The following KAT6B variants were observed in gnomAD, a reference collection of about 807,000 sequenced individuals.
KAT6B encodes lysine acetyltransferase 6B.
Under a neutral mutation model 187.5 loss-of-function variants are expected in KAT6B, and 10 were observed. That is an observed-to-expected ratio of 0.05 (90% CI 0.03 to 0.09). KAT6B has a LOEUF of 0.09. Among genes scored for constraint, KAT6B ranks in the 10% least tolerant of loss-of-function variants. KAT6B has a pLI of 1.00. For missense variants in KAT6B, 1,952 were observed against 2,558.9 expected, an observed-to-expected ratio of 0.76 and a Z score of 5.12; for synonymous variants, 861 against 926.8, an observed-to-expected ratio of 0.93 and a Z score of 1.29.
At chr10:74,872,658 T>C (rs980061581) in intron 3 of KAT6B, among the ~76,000 whole-genome samples, 4 of 151,676 alleles carry the variant, frequency 2.6e-5, no homozygotes, top group African/African-American at 7.3e-5. Context: ...GACTACAGTC[T>C]TGTGCCACCA....
At chr10:74,873,896 A>T (rs1844202115) in intron 3 of KAT6B, among the ~76,000 whole-genome samples, 1 of 152,184 alleles carries the variant, frequency 6.6e-6, no homozygotes, top group Admixed American at 6.5e-5. Context: ...ATTTAGAGTT[A>T]TCAGGTGCAG....
intron 3 of KAT6B, among the ~76,000 whole-genome samples, chr10:74,939,416 G>A (rs971407202): frequency 6.6e-6 from 1 of 151,864 alleles, no homozygotes; most frequent in Non-Finnish European, 1.5e-5. Context: ...TTGTTTATTT[G>A]TTTTTTGAGA....
rs770674400 is a variant in KAT6B, at chr10:75,022,145, G to A, written c.3286G>A (p.Glu1096Lys). ...EEEEDEEEEEEEEEEEEEENI... is the reference protein window; with the variant it reads ...EEEEDEEEEEKEEEEEEEENI... Reference sequence around the variant, plus strand: ...GGAAGAGGATGAAGAGGAGGAAGAAGAGGAAGAAGAAGAAGAAGAAGAAGA... The same window carrying A: ...GGAAGAGGATGAAGAGGAGGAAGAAAAGGAAGAAGAAGAAGAAGAAGAAGA... Residue 1096 changes from glutamate to lysine, a missense_variant, in exon 16 of 18, where the codon GAG (glutamate) becomes AAG (lysine). Around this residue, in one of 9 missense-constraint regions of KAT6B, gnomAD observed 758 missense variants for 891.4 expected, o/e 0.85. Transcript: ENST00000287239. The A allele has an allele frequency of 6.3e-7, 1 of 1,584,704 alleles. No individual in the cohort carries two copies. Among genetic ancestry groups the A allele is most frequent in the Admixed American group, 1.7e-5 (1 of 58,622 alleles).
At chr10:74,929,729 T>A (rs1366446006) in intron 3 of KAT6B, among the ~76,000 whole-genome samples, 4 of 152,194 alleles carry the variant, frequency 2.6e-5, no homozygotes, top group Non-Finnish European at 5.9e-5. Flanking sequence ...ACCAAGTAAT[T>A]ATTTATTACT....
intron 3 of KAT6B, 57 bp downstream of exon 3, chr10:74,843,535 T>A: frequency 6.2e-7 from 1 of 1,602,052 alleles, no homozygotes; most frequent in African/African-American, 1.3e-5. Flanking sequence ...TCTTTTACGG[T>A]TTCACTTAAG....
intron 3 of KAT6B, among the ~76,000 whole-genome samples, chr10:74,958,876 A>G (rs968886673): frequency 3.9e-4 from 59 of 151,884 alleles, no homozygotes; most frequent in Admixed American, 3.5e-3. Context: ...CATCTCTACT[A>G]AAAATATAAA....
chr10:74,933,041 A>G lies in KAT6B; in HGVS notation c.622-26929A>G, dbSNP rs112259595. Among the ~76,000 whole-genome samples, 225 of 152,330 alleles carry G rather than the reference A, an allele frequency of 1.5e-3. 11 individuals carry two copies. The highest frequency in any genetic ancestry group is 5.1e-3 in the African/African-American group (214 of 41,584). On this transcript the variant is annotated intron_variant, in intron 3 of 17. Transcript: ENST00000287239. The stretch of plus-strand genomic sequence containing the variant: ...ACCATTTTTTCCTGTGTTGTTTCAC[A>G]TGCTGATCAGGAAACAGGTCACTTG...
chr10:74,959,958 AT>A lies in KAT6B; in HGVS notation c.622-8del, dbSNP rs1486864827. ...AAAAGTGACAGTATTTTTTATTTTA[AT>A]TTTGTCATAGCCCCGTGCTGATCCC... On this transcript the variant is annotated splice_polypyrimidine_tract_variant and intron_variant, in intron 3 of 17. Transcript: ENST00000287239. The A allele has an allele frequency of 7.7e-6, 12 of 1,550,882 alleles. No homozygotes were observed. The highest frequency in any genetic ancestry group is 8.9e-6 in the Non-Finnish European group (10 of 1,123,064).
intron 4 of KAT6B, among the ~76,000 whole-genome samples, chr10:74,967,409 G>T (rs761732911): frequency 2.0e-5 from 3 of 152,094 alleles, no homozygotes; most frequent in Non-Finnish European, 2.9e-5. Flanking sequence ...GGAATTACTT[G>T]ATCAGTAGCA....
At chr10:74,867,067 T>C (rs1231166327) in intron 3 of KAT6B, among the ~76,000 whole-genome samples, 1 of 152,190 alleles carries the variant, frequency 6.6e-6, no homozygotes, top group Non-Finnish European at 1.5e-5. Context: ...TCATCATCAT[T>C]ATTATTATTT....
intron 3 of KAT6B, among the ~76,000 whole-genome samples, chr10:74,899,704 T>C (rs1251345484): frequency 6.6e-6 from 1 of 152,216 alleles, no homozygotes. Context: ...GGTGTAAGTT[T>C]GTCCTCTACT....
At chr10:74,951,080 T>C (rs1052336696) in intron 3 of KAT6B, among the ~76,000 whole-genome samples, 11 of 152,086 alleles carry the variant, frequency 7.2e-5, no homozygotes, top group African/African-American at 2.4e-4. Flanking sequence ...ACCATTGCAG[T>C]GTATTCATTT....
intron 3 of KAT6B, among the ~76,000 whole-genome samples, chr10:74,911,919 C>T (rs1297638751): frequency 6.6e-6 from 1 of 152,148 alleles, no homozygotes; most frequent in East Asian, 1.9e-4. Context: ...AATCTTCCCA[C>T]CTCAGCTTTC....
chr10:74,922,892 T>G (rs1848240128), intron 3 of KAT6B, among the ~76,000 whole-genome samples: 1 of 152,180 alleles, frequency 6.6e-6, no homozygotes, highest in Non-Finnish European at 1.5e-5. Flanking sequence ...TAAAACTTGT[T>G]AAGAAAATAA....
At chr10:74,938,886 G>A (rs540476906) in intron 3 of KAT6B, among the ~76,000 whole-genome samples, 8 of 152,084 alleles carry the variant, frequency 5.3e-5, no homozygotes, top group South Asian at 4.2e-4. Flanking sequence ...ACAGGTGCCC[G>A]CCTCTATACC....
intron 3 of KAT6B, among the ~76,000 whole-genome samples, chr10:74,940,001 ACTT>A (rs1307987201): frequency 6.6e-6 from 1 of 152,136 alleles, no homozygotes; most frequent in Non-Finnish European, 1.5e-5. Context: ...GACTGCTGCA[ACTT>A]CTTTTTTTAA....
intron 17 of KAT6B, among the ~76,000 whole-genome samples, chr10:75,028,167 A>G (rs1846017003): frequency 6.6e-6 from 1 of 152,170 alleles, no homozygotes; most frequent in Non-Finnish European, 1.5e-5. Flanking sequence ...GTAAATGTTC[A>G]AATTGATTTT....
At chr10:74,941,163 G>A (rs1849642163) in intron 3 of KAT6B, among the ~76,000 whole-genome samples, 1 of 152,180 alleles carries the variant, frequency 6.6e-6, no homozygotes, top group Admixed American at 6.5e-5. Flanking sequence ...GCTGTTATCT[G>A]TGCACCCGCA....
chr10:74,830,769 T>TATATATATGTATATATATATATA (rs58702000), intron 1 of KAT6B, among the ~76,000 whole-genome samples: 1 of 7,738 alleles, frequency 1.3e-4, no homozygotes, highest in African/African-American at 3.6e-4. Context: ...TATATATATA[T>TATATATATGTATATATATATATA]TTTTTTTTTT....
Sources: allele counts gnomAD v4.1 joint callset (sites outside exome capture counted in the v4.1 genomes callset), GRCh38; gene constraint gnomAD v4.1.1; regional missense constraint gnomAD v4.1.1; transcripts MANE v1.5; gene names NCBI Gene and HGNC (gene_info 2026-07-23, HGNC 2026-07-21).